Variants in EXOC4 observed in about 807,000 individuals in gnomAD.
The protein encoded by EXOC4 is SEC8-like 1.
Under a neutral mutation model 107.2 loss-of-function variants are expected in EXOC4, and 71 were observed. The ratio of observed to expected loss-of-function variants is 0.66; its 90% CI spans 0.55 to 0.81. The LOEUF is 0.81. EXOC4 is among the 30% of genes least tolerant of loss of function. The pLI is 0.00. For synonymous variants in EXOC4, 456 were observed against 441.2 expected (o/e 1.03, Z -0.42); for missense variants, 1,108 against 1,189.6 (o/e 0.93, Z 1.01).
intron 4 of EXOC4, among the ~76,000 whole-genome samples, chr7:133,312,834 AT>A (rs201098142): frequency 1.6e-4 from 24 of 149,394 alleles, no homozygotes; most frequent in African/African-American, 2.0e-4. Context: ...TGAATGGATT[AT>A]TTTTTTTTTA....
intron 7 of EXOC4, among the ~76,000 whole-genome samples, chr7:133,411,398 C>T (rs896270718): frequency 2.6e-5 from 4 of 152,068 alleles, no homozygotes; most frequent in Non-Finnish European, 5.9e-5. Context: ...AATCATTTTA[C>T]TATAGTGTAG....
intron 9 of EXOC4, chr7:133,484,122 A>G: frequency 2.5e-6 from 4 of 1,611,424 alleles, no homozygotes; most frequent in Non-Finnish European, 8.5e-7. Flanking sequence ...GTTCCTGCCA[A>G]CATTTTCAAT....
intron 7 of EXOC4, among the ~76,000 whole-genome samples, chr7:133,466,563 TTTCCTGC>T (rs1268377319): frequency 6.6e-6 from 1 of 152,182 alleles, no homozygotes; most frequent in African/African-American, 2.4e-5. Flanking sequence ...AATTAAAAAT[TTTCCTGC>T]ACATACATAA....
intron 6 of EXOC4, among the ~76,000 whole-genome samples, chr7:133,361,218 A>G (rs373052120): frequency 5.3e-5 from 8 of 152,216 alleles, no homozygotes; most frequent in African/African-American, 1.9e-4. Context: ...AGATGTGAGA[A>G]TGAAAGCAGC....
chr7:134,057,090 G>A (rs2116609977), intron 17 of EXOC4, among the ~76,000 whole-genome samples: 1 of 152,282 alleles, frequency 6.6e-6, no homozygotes, highest in East Asian at 1.9e-4. Flanking sequence ...ACAAGGCCAA[G>A]AGGTAACTGG....
At chr7:133,787,966 TA>T (rs1554401523) in intron 10 of EXOC4, among the ~76,000 whole-genome samples, 311 of 16,488 alleles carry the variant, frequency 0.019, 18 homozygotes, top group Non-Finnish European at 0.027. Flanking sequence ...TATATATTTA[TA>T]TATATATATA....
At chr7:134,072,477 G>C in the EXOC4 span, among the ~76,000 whole-genome samples, 2 of 152,314 alleles carry the variant, frequency 1.3e-5, no homozygotes, top group South Asian at 4.2e-4. Context: ...TGCTTCAGGG[G>C]AAGGTCAGAA....
chr7:133,267,603 T>G lies in EXOC4; in HGVS notation c.87-7379T>G, dbSNP rs144684394. On this transcript the variant is annotated intron_variant, in intron 1 of 17. Coordinates refer to ENST00000253861, the MANE Select transcript of EXOC4 (RefSeq NM_021807.4). ...GCTGTTACCTCCCAGCTCCCCTCACTAGAACATAAGCTTCATGAGGGAGGG... is the reference window on the plus strand; with the variant it reads ...GCTGTTACCTCCCAGCTCCCCTCACGAGAACATAAGCTTCATGAGGGAGGG... 6.6e-4 allele frequency among the ~76,000 whole-genome samples: 101 copies of G among 152,300 alleles called. 1 individual carries two copies. The highest frequency in any genetic ancestry group is 3.4e-3 in the Middle Eastern group (1 of 294).
chr7:133,925,113 C>T (rs988678242), intron 13 of EXOC4, among the ~76,000 whole-genome samples: 1 of 152,176 alleles, frequency 6.6e-6, no homozygotes, highest in Non-Finnish European at 1.5e-5. Flanking sequence ...AAGTCACAAT[C>T]TCCCCCTATA....
At chr7:133,758,517 A>C (rs1387124108) in intron 10 of EXOC4, among the ~76,000 whole-genome samples, 1 of 152,214 alleles carries the variant, frequency 6.6e-6, no homozygotes, top group Non-Finnish European at 1.5e-5. Flanking sequence ...AAAGATGATT[A>C]AAGGCTAGGT....
intron 7 of EXOC4, among the ~76,000 whole-genome samples, chr7:133,446,878 G>A (rs903983139): frequency 3.9e-5 from 6 of 152,134 alleles, no homozygotes; most frequent in Non-Finnish European, 7.4e-5. Flanking sequence ...TAAATTTCAA[G>A]TTCTGGCACT....
At chr7:133,860,321 G>A (rs1400826327) in intron 11 of EXOC4, among the ~76,000 whole-genome samples, 1 of 152,154 alleles carries the variant, frequency 6.6e-6, no homozygotes, top group Non-Finnish European at 1.5e-5. Context: ...TCTCCGCCTC[G>A]TTTTCCACAG....
At chr7:134,074,237 T>C in the EXOC4 span, among the ~76,000 whole-genome samples, 1 of 152,346 alleles carries the variant, frequency 6.6e-6, no homozygotes, top group South Asian at 2.1e-4. Context: ...CCTCCTTCCC[T>C]GGGCCTAGAC....
intron 9 of EXOC4, among the ~76,000 whole-genome samples, chr7:133,606,089 G>C (rs1254345194): frequency 2.6e-5 from 4 of 152,126 alleles, no homozygotes; most frequent in Non-Finnish European, 5.9e-5. Flanking sequence ...CATTGACTAA[G>C]ACCATTTTAA....
At chr7:133,392,038 A>G (rs1796864630) in intron 7 of EXOC4, among the ~76,000 whole-genome samples, 1 of 152,226 alleles carries the variant, frequency 6.6e-6, no homozygotes, top group Non-Finnish European at 1.5e-5. Flanking sequence ...AATTTAAGAA[A>G]TACATAGTAT....
At chr7:133,883,457 A>G (rs1340938277) in intron 11 of EXOC4, among the ~76,000 whole-genome samples, 1 of 148,948 alleles carries the variant, frequency 6.7e-6, no homozygotes, top group Admixed American at 6.7e-5. Flanking sequence ...GCTGGGCAAC[A>G]TAGCAAGACT....
chr7:134,094,377 A>G, the EXOC4 span, among the ~76,000 whole-genome samples: 1 of 152,146 alleles, frequency 6.6e-6, no homozygotes, highest in African/African-American at 2.4e-5. Flanking sequence ...AAATTGAAAC[A>G]CTGAACAGAC....
At chr7:133,901,997 T>TA (rs1473771181) in intron 12 of EXOC4, among the ~76,000 whole-genome samples, 1 of 152,202 alleles carries the variant, frequency 6.6e-6, no homozygotes. Flanking sequence ...AAGAGCCAAA[T>TA]TTACCACCGC....
chr7:133,649,028 T>C (rs1803066198), intron 10 of EXOC4, among the ~76,000 whole-genome samples: 1 of 152,222 alleles, frequency 6.6e-6, no homozygotes, highest in Non-Finnish European at 1.5e-5. Flanking sequence ...TTGGTAGTTT[T>C]ACAAGCCTCA....
Sources: allele counts gnomAD v4.1 joint callset (sites outside exome capture counted in the v4.1 genomes callset), GRCh38; gene constraint gnomAD v4.1.1; transcripts MANE v1.5; gene names NCBI Gene and HGNC (gene_info 2026-07-23, HGNC 2026-07-21).